Variants in CPNE5 observed in about 807,000 individuals in gnomAD.
The protein encoded by CPNE5 is copine 5.
CPNE5 carries 42 observed loss-of-function variants against 81.1 expected under a neutral mutation model. The observed-to-expected ratio is 0.52, with a 90% CI of 0.40 to 0.67. CPNE5 has a LOEUF of 0.67. Ranked by LOEUF, CPNE5 falls within the 30% of genes least tolerant of loss-of-function variation. The pLI is 0.00. For synonymous variants in CPNE5, 313 were observed against 321.5 expected (o/e 0.97, Z 0.28); for missense variants, 612 against 815.5 (o/e 0.75, Z 3.04).
chr6:36,799,062 T>C (rs1227350078), intron 4 of CPNE5, among the ~76,000 whole-genome samples: 2 of 152,096 alleles, frequency 1.3e-5, no homozygotes, highest in African/African-American at 4.8e-5. Context: ...CCTCCTCCCC[T>C]CACCTGGGGC....
At chr6:36,808,699 C>A (rs746766055) in intron 3 of CPNE5, among the ~76,000 whole-genome samples, 6 of 152,194 alleles carry the variant, frequency 3.9e-5, no homozygotes, top group Non-Finnish European at 7.3e-5. Flanking sequence ...GTGTCTGTTG[C>A]AGAGCTGGTC....
At chr6:36,789,788 A>G (rs1237693823) in intron 8 of CPNE5, among the ~76,000 whole-genome samples, 1 of 152,116 alleles carries the variant, frequency 6.6e-6, no homozygotes, top group Non-Finnish European at 1.5e-5. Context: ...CATATTCGTG[A>G]TGGGTCCTCG....
intron 10 of CPNE5, among the ~76,000 whole-genome samples, chr6:36,768,183 G>A (rs951929912): frequency 2.7e-5 from 4 of 150,184 alleles, no homozygotes; most frequent in Admixed American, 2.0e-4. Context: ...GGAAGACCAT[G>A]GGGAGAAGAC....
At chr6:36,762,351 C>T (rs1274839021) in intron 12 of CPNE5, among the ~76,000 whole-genome samples, 5 of 125,224 alleles carry the variant, frequency 4.0e-5, no homozygotes, top group African/African-American at 1.0e-4. Context: ...TACATGCTCA[C>T]ACACACACAC....
chr6:36,780,408 G>C (rs1362171781), intron 8 of CPNE5, among the ~76,000 whole-genome samples: 1 of 152,176 alleles, frequency 6.6e-6, no homozygotes, highest in Non-Finnish European at 1.5e-5. Context: ...CGGTGGTTAG[G>C]AATACGGCTG....
At chr6:36,809,859 C>T (rs1052072124) in intron 3 of CPNE5, among the ~76,000 whole-genome samples, 1 of 151,646 alleles carries the variant, frequency 6.6e-6, no homozygotes, top group Non-Finnish European at 1.5e-5. Flanking sequence ...CAGGTTTCTC[C>T]CTTCCACCCG....
intron 3 of CPNE5, among the ~76,000 whole-genome samples, chr6:36,805,139 G>T (rs1770475379): frequency 6.6e-6 from 1 of 152,206 alleles, no homozygotes; most frequent in Non-Finnish European, 1.5e-5. Flanking sequence ...CAATTTGGCT[G>T]CTGTATTTCA....
chr6:36,797,093 G>C (rs1300890723), intron 6 of CPNE5, among the ~76,000 whole-genome samples: 1 of 152,200 alleles, frequency 6.6e-6, no homozygotes, highest in Non-Finnish European at 1.5e-5. Context: ...TTTTAGTAGA[G>C]ACAGGGTTGC....
At chr6:36,765,053 G>A (rs563728886) in intron 11 of CPNE5, among the ~76,000 whole-genome samples, 10 of 152,294 alleles carry the variant, frequency 6.6e-5, no homozygotes, top group East Asian at 3.9e-4. Flanking sequence ...GGGTACTGGC[G>A]GGCCCCTGGG....
intron 14 of CPNE5, among the ~76,000 whole-genome samples, chr6:36,750,997 C>T (rs1436160217): frequency 1.3e-5 from 2 of 152,242 alleles, no homozygotes; most frequent in Non-Finnish European, 2.9e-5. Flanking sequence ...CCAGCTCCTC[C>T]TCTGACAGTG....
At chr6:36,767,250 G>A (rs1478260098) in intron 10 of CPNE5, among the ~76,000 whole-genome samples, 1 of 152,214 alleles carries the variant, frequency 6.6e-6, no homozygotes, top group East Asian at 1.9e-4. Flanking sequence ...TGACTGCCTG[G>A]CCAAATCAGT....
At chr6:36,834,041 C>A (rs1191395194) in intron 1 of CPNE5, among the ~76,000 whole-genome samples, 1 of 151,292 alleles carries the variant, frequency 6.6e-6, no homozygotes, top group African/African-American at 2.4e-5. Context: ...TCAGCCTGGG[C>A]AACCGAGTAT....
chr6:36,787,088 C>A (rs934300205), intron 8 of CPNE5, among the ~76,000 whole-genome samples: 1 of 152,152 alleles, frequency 6.6e-6, no homozygotes, highest in Non-Finnish European at 1.5e-5. Flanking sequence ...CCACAACACA[C>A]GACTCTCCTA....
Position 36,746,218 on chromosome 6 carries a change from G to A in CPNE5, c.1200+178C>T, listed in dbSNP as rs1438184323. 1.0e-6 allele frequency: 1 copy of A among 985,192 alleles called. No homozygotes were observed. Among genetic ancestry groups the A allele is most frequent in the African/African-American group, 1.7e-5 (1 of 57,226 alleles). 61.0% of individuals were successfully genotyped at this position (985,192 alleles called of 1,614,324 possible). On this transcript the variant is annotated intron_variant, in intron 16 of 20. Transcript: ENST00000244751. The surrounding 1 kb of genome is among the most constrained non-coding windows in gnomAD (Gnocchi z 4.5). ...CTTCAGACATGGAGGGGCAGCATCT[G>A]TGATCAGGGAAGGGAGTGGATTTCT...
chr6:36,828,902 G>T (rs183419942), intron 1 of CPNE5, among the ~76,000 whole-genome samples: 1 of 152,232 alleles, frequency 6.6e-6, no homozygotes, highest in East Asian at 1.9e-4. Context: ...TAGCTTCTCT[G>T]TGCATCAGTA....
intron 8 of CPNE5, among the ~76,000 whole-genome samples, chr6:36,783,398 AAG>A (rs1768228483): frequency 6.8e-6 from 1 of 147,694 alleles, no homozygotes; most frequent in Admixed American, 6.8e-5. Context: ...AAAAAAAAAA[AAG>A]GTTCTACCTA....
intron 3 of CPNE5, 112 bp downstream of exon 3, chr6:36,822,002 G>A: frequency 1.1e-6 from 1 of 951,988 alleles, no homozygotes; most frequent in Non-Finnish European, 1.6e-6. Flanking sequence ...GCCTTCAGCG[G>A]GGCTTGGATG....
rs780572341 is a variant in CPNE5, at chr6:36,742,335, G to A, written c.1715C>T (p.Pro572Leu). 6.2e-6 allele frequency: 10 copies of A among 1,612,438 alleles called. 1 individual carries two copies. In the South Asian group the frequency reaches 1.1e-4, roughly 18 times the overall value. ...GIRPRPPPAA[P>L]THSPSQSPAR... ...TGGGGACTGCGAGGGCGAGTGGGTT[G>A]GTGCTGCGGGTGGGGGACGCGGGCG... The change falls in exon 21 of 21, where the codon CCA (proline) becomes CTA (leucine). Residue 572 changes from proline (P) to leucine (L), a missense_variant. Physicochemically the swap from Pro to Leu is moderately conservative, Grantham distance 98. Coordinates refer to ENST00000244751, the MANE Select transcript of CPNE5 (RefSeq NM_020939.2).
intron 3 of CPNE5, among the ~76,000 whole-genome samples, chr6:36,808,234 G>A (rs1047353804): frequency 6.6e-6 from 1 of 152,004 alleles, no homozygotes; most frequent in African/African-American, 2.4e-5. Context: ...GGGATTACAC[G>A]TGCCTGCCAC....
Sources: allele counts gnomAD v4.1 joint callset (sites outside exome capture counted in the v4.1 genomes callset), GRCh38; gene constraint gnomAD v4.1.1; non-coding constraint Gnocchi (gnomAD v3.1); transcripts MANE v1.5; gene names NCBI Gene and HGNC (gene_info 2026-07-23, HGNC 2026-07-21).